The following PARP10 variants were observed in gnomAD, a reference collection of about 807,000 sequenced individuals.
PARP10 encodes poly(ADP-ribose) polymerase family member 10.
Under a neutral mutation model 82.4 loss-of-function variants are expected in PARP10, and 56 were observed. The observed-to-expected ratio is 0.68, with a 90% CI of 0.55 to 0.85. The LOEUF (loss-of-function observed/expected upper bound fraction) is 0.85, where lower values mean the gene tolerates loss of function less well. Ranked by LOEUF, PARP10 falls within the 40% of genes least tolerant of loss-of-function variation. PARP10 has a pLI of 0.00. For missense variants in PARP10, 1,227 were observed against 1,379.4 expected (o/e 0.89, Z 1.75); for synonymous variants, 576 against 601.1 (o/e 0.96, Z 0.61).
At position 143,977,429 on chromosome 8, in the gene PARP10, G is replaced by C; in HGVS notation, c.*55C>G. ...CCACAGTTGGGGGCGGGGAGCATCA[G>C]CCTGTGCGGAGCTGGGAGCCTGGGA... On this transcript the variant is annotated 3_prime_UTR_variant, in exon 11 of 11. Coordinates refer to ENST00000313028, the MANE Select transcript of PARP10 (RefSeq NM_032789.5). 7.0e-7 allele frequency: 1 copy of C among 1,431,704 alleles called. No individual in the cohort carries two copies. The highest frequency in any genetic ancestry group is 9.4e-7 in the Non-Finnish European group (1 of 1,069,034). 88.7% of individuals were successfully genotyped at this position (1,431,704 alleles called of 1,614,324 possible).
chr8:143,987,339 C>T (rs1215069325), upstream of PARP10, among the ~76,000 whole-genome samples: 1 of 152,214 alleles, frequency 6.6e-6, no homozygotes, highest in African/African-American at 2.4e-5. Context: ...CACCAAAACC[C>T]AGCCCCACCC....
At chr8:143,987,502 C>G (rs1554749612), upstream of PARP10, among the ~76,000 whole-genome samples, 1 of 152,230 alleles carries the variant, frequency 6.6e-6, no homozygotes, top group African/African-American at 2.4e-5. Context: ...CTCTGTCTGC[C>G]ACTCCCATGG....
chr8:144,007,453 G>A (rs1366715607), intron 1 of PARP10, among the ~76,000 whole-genome samples: 7 of 152,170 alleles, frequency 4.6e-5, no homozygotes, highest in Admixed American at 4.6e-4. Context: ...TTCAACTGCT[G>A]GTATACAGCA....
Position 143,985,140 on chromosome 8 carries a change from G to A in PARP10, c.862C>T (p.Gln288Ter), listed in dbSNP as rs1554748949. The A allele has an allele frequency of 1.9e-6, 3 of 1,614,078 alleles. No individual in the cohort carries two copies. The East Asian group carries it at 6.7e-5, about 36-fold the overall frequency. ...CCCATTGTCACAGTCCCTGCACCCT[G>A]CAGAGCCGTCACCAACCCTCCGGTC... The part of the protein sequence containing the change: ...LRTGGLVTAL[Q>*]GAGTVTMGSG... Residue 288 changes from glutamine to a stop codon, truncating the protein, a stop_gained, in exon 5 of 11, where the codon CAG (glutamine) becomes TAG (stop). Coordinates refer to ENST00000313028, the MANE Select transcript of PARP10 (RefSeq NM_032789.5). LOFTEE classifies it high-confidence loss of function.
At position 143,985,989 on chromosome 8, in the gene PARP10, C is replaced by T. The variant is rs201913875; in HGVS notation, c.182-14G>A. 437 of 1,594,976 alleles carry T rather than the reference C, an allele frequency of 2.7e-4. 2 individuals are homozygous for T. The highest frequency in any genetic ancestry group is 1.1e-4 in the African/African-American group (8 of 74,700). On this transcript the variant is annotated splice_polypyrimidine_tract_variant and intron_variant, in intron 2 of 10. Transcript: ENST00000313028. ...CCCTCTCGGCGTCTGTGGGCAGGGGCGGGGCAGGATGTCAGGCATTAGAAT... is the reference window on the plus strand; with the variant it reads ...CCCTCTCGGCGTCTGTGGGCAGGGGTGGGGCAGGATGTCAGGCATTAGAAT...
In PARP10 at chr8:143,977,159, T is replaced by A; in HGVS notation, c.*325A>T. 1 of 328,202 alleles carries A rather than the reference T, an allele frequency of 3.0e-6. No individual in the cohort carries two copies. Among genetic ancestry groups the A allele is most frequent in the Non-Finnish European group, 5.6e-6 (1 of 178,850 alleles). 20.3% of individuals were successfully genotyped at this position (328,202 alleles called of 1,614,324 possible). On this transcript the variant is annotated 3_prime_UTR_variant, in exon 11 of 11. Transcript: ENST00000313028. ...CCCAAACAGAGGTCGCAGTCAGAGT[T>A]CCCGGGTCCCTTCCGCCTGGGTTCA... is the stretch of plus-strand genomic sequence containing the variant.
chr8:143,984,386 G>T lies in PARP10; in HGVS notation c.1504C>A (p.Arg502=), dbSNP rs201826623. 10 of 1,612,484 alleles carry T rather than the reference G, an allele frequency of 6.2e-6. No homozygotes were observed. The South Asian group carries it at 9.9e-5, about 16-fold the overall frequency. The part of the protein sequence containing the change: ...ASCQAAEEFL[R]SLLGSISCHV... ...CAGCTAATGCTGCCCAGCAGGCTCC[G>T]CAGAAACTCCTCAGCCGCCTGGCAG... Residue 502 remains arginine, a synonymous_variant, in exon 6 of 11, where the codon CGG becomes AGG. Transcript: ENST00000313028.
rs942755610 is a variant in PARP10, at chr8:144,006,345, C to T, written c.-80+6185G>A. 3.0e-4 allele frequency among the ~76,000 whole-genome samples: 45 copies of T among 152,222 alleles called. 1 individual carries two copies. The highest frequency in any genetic ancestry group is 8.7e-4 in the African/African-American group (36 of 41,450). ...CGACAGCAGGAGGAGGGACGTTATCCCCACTCGACAGATGAAGAAACAGAG... is the reference window on the plus strand; with the variant it reads ...CGACAGCAGGAGGAGGGACGTTATCTCCACTCGACAGATGAAGAAACAGAG... On this transcript the variant is annotated intron_variant, in intron 1 of 3. Coordinates refer to the PARP10 transcript ENST00000530478.
upstream of PARP10, chr8:143,991,206 A>G: frequency 6.4e-7 from 1 of 1,550,408 alleles, no homozygotes; most frequent in Non-Finnish European, 8.7e-7. Context: ...CTAGGGGCGG[A>G]CCGCGGAACC....
In PARP10 at chr8:143,977,693, G is replaced by A. The variant is rs1206340082; in HGVS notation, c.2869C>T (p.Arg957Cys). Residue 957 changes from arginine to cysteine, a missense_variant, in exon 11 of 11, where the codon CGC becomes TGC. Transcript: ENST00000313028. ...RVLTGDYGQG[R>C]RGLRAPPLRG... Reference sequence around the variant, plus strand: ...AGAGGGGGCGCCCGCAGACCGCGGCGGCCCTGCCCGTAGTCGCCAGTCAGC... The same window carrying A: ...AGAGGGGGCGCCCGCAGACCGCGGCAGCCCTGCCCGTAGTCGCCAGTCAGC... 1.2e-5 allele frequency: 19 copies of A among 1,591,994 alleles called. No homozygotes were observed. The highest frequency in any genetic ancestry group is 1.6e-5 in the Non-Finnish European group (19 of 1,170,036).
intron 6 of PARP10, 49 bp downstream of exon 6, chr8:143,984,161 G>C (rs1554748544): frequency 6.3e-7 from 1 of 1,587,606 alleles, no homozygotes; most frequent in East Asian, 2.2e-5. Context: ...AGGAGGCCTG[G>C]GGCAGAGGCG....
upstream of PARP10, chr8:143,990,136 C>T (rs187720814): frequency 0.013 from 1,906 of 151,026 alleles, 20 homozygotes; most frequent in South Asian, 0.025. This position sits in a 1 kb window ranked among gnomAD's most constrained non-coding sequence, Gnocchi z 5.6. Flanking sequence ...GCGGGCGCAT[C>T]GGCCATCACC....
At chr8:143,980,394 G>T (rs1281194054) in intron 9 of PARP10, among the ~76,000 whole-genome samples, 1 of 146,574 alleles carries the variant, frequency 6.8e-6, no homozygotes, top group Non-Finnish European at 1.5e-5. Flanking sequence ...GTGTGGTGGT[G>T]TGTGCCTGTA....
chr8:143,993,791 T>C (rs1443958554), upstream of PARP10, among the ~76,000 whole-genome samples: 2 of 152,216 alleles, frequency 1.3e-5, no homozygotes, highest in African/African-American at 4.8e-5. Flanking sequence ...TCCTTGGGCC[T>C]CCCCAGCTCT....
chr8:143,993,152 G>A, upstream of PARP10: 1 of 363,646 alleles, frequency 2.7e-6, no homozygotes, highest in Non-Finnish European at 5.2e-6. Context: ...ACTGGGGGCA[G>A]CACCAGGTCC....
upstream of PARP10, chr8:143,991,343 C>G (rs1834090815): frequency 7.4e-7 from 1 of 1,358,632 alleles, no homozygotes; most frequent in African/African-American, 1.5e-5. Flanking sequence ...ACCCTGGGGC[C>G]CCTTACCCAC....
In PARP10 at chr8:143,980,045, G is replaced by A. The variant is rs191582579; in HGVS notation, c.2557-1964C>T. 3.8e-4 allele frequency among the ~76,000 whole-genome samples: 56 copies of A among 147,998 alleles called. No individual in the cohort carries two copies. In the East Asian group the frequency reaches 6.3e-3, roughly 17 times the overall value. ...AAAAAAAAAAAACCCGTCTCAGCCGGGCGCGGTGGCTCACGCCTGTAATCC... is the reference window on the plus strand; with the variant it reads ...AAAAAAAAAAAACCCGTCTCAGCCGAGCGCGGTGGCTCACGCCTGTAATCC... On this transcript the variant is annotated intron_variant, in intron 9 of 10. Coordinates refer to ENST00000313028, the MANE Select transcript of PARP10 (RefSeq NM_032789.5).
At chr8:143,980,207 C>A (rs1554747361) in intron 9 of PARP10, among the ~76,000 whole-genome samples, 1 of 150,052 alleles carries the variant, frequency 6.7e-6, no homozygotes, top group Non-Finnish European at 1.5e-5. Context: ...GTAGTCCCAG[C>A]TACTCAGGAG....
chr8:143,982,454 A>T lies in PARP10; in HGVS notation c.2556+478T>A, dbSNP rs1833885473. Among the ~76,000 whole-genome samples the T allele has an allele frequency of 2.0e-5, 3 of 152,270 alleles. No individual in the cohort carries two copies. The South Asian group carries it at 6.2e-4, about 32-fold the overall frequency. ...GTGCCACTGCACTCCAGCCCAGGAG[A>T]CACAGCGAGATGCCGTCTCAAAAAA... is the stretch of plus-strand genomic sequence containing the variant. On this transcript the variant is annotated intron_variant, in intron 9 of 10. Transcript: ENST00000313028.
Sources: allele counts gnomAD v4.1 joint callset (sites outside exome capture counted in the v4.1 genomes callset), GRCh38; gene constraint gnomAD v4.1.1; non-coding constraint Gnocchi (gnomAD v3.1); transcripts MANE v1.5; gene names NCBI Gene and HGNC (gene_info 2026-07-23, HGNC 2026-07-21).